OSBPL8: variants seen among roughly 807,000 people sequenced by gnomAD.
The protein encoded by OSBPL8 is oxysterol-binding protein-related protein 8.
OSBPL8 carries 59 observed loss-of-function variants against 125.5 expected under a neutral mutation model. The observed-to-expected ratio is 0.47, with a 90% CI of 0.38 to 0.58. The LOEUF is 0.58. OSBPL8 is among the 20% of genes least tolerant of loss of function. The pLI is 0.00. For missense variants in OSBPL8, 758 were observed against 1,047.8 expected (o/e 0.72, Z 3.82); for synonymous variants, 330 against 338.9 (o/e 0.97, Z 0.29).
At chr12:76,368,818 G>A (rs1437190195) in intron 21 of OSBPL8, among the ~76,000 whole-genome samples, 2 of 152,110 alleles carry the variant, frequency 1.3e-5, no homozygotes, top group Non-Finnish European at 2.9e-5. Flanking sequence ...GACAGGTTAG[G>A]ACAGACATAC....
At chr12:76,502,406 T>C (rs1274883121) in intron 1 of OSBPL8, among the ~76,000 whole-genome samples, 5 of 152,114 alleles carry the variant, frequency 3.3e-5, no homozygotes, top group Non-Finnish European at 7.4e-5. Flanking sequence ...AAGACTGCCA[T>C]TTGGCCACTT....
intron 4 of OSBPL8, among the ~76,000 whole-genome samples, chr12:76,437,561 T>C (rs556026427): frequency 1.3e-5 from 2 of 152,236 alleles, no homozygotes; most frequent in Non-Finnish European, 2.9e-5. Flanking sequence ...GTTAGTTACA[T>C]GCACTGCAAC....
chr12:76,456,523 G>A (rs370517526), intron 3 of OSBPL8, among the ~76,000 whole-genome samples: 4 of 151,868 alleles, frequency 2.6e-5, no homozygotes, highest in East Asian at 3.9e-4. Context: ...GGTGGTGCAC[G>A]CCTGTAATCC....
At chr12:76,447,679 G>T (rs1439352184) in intron 4 of OSBPL8, among the ~76,000 whole-genome samples, 1 of 152,032 alleles carries the variant, frequency 6.6e-6, no homozygotes, top group Non-Finnish European at 1.5e-5. Flanking sequence ...AAATAGCTAG[G>T]ATTACAGGTG....
chr12:76,483,660 CTTTTTTTTTTT>C lies in OSBPL8; in HGVS notation c.42+3839_42+3849del, dbSNP rs869202382. ...CTCACCCCAAGATCACTGTAATAGT[CTTTTTTTTTTT>C]TTTTTTTTTTTTTTTTTTTTGAGAC... On this transcript the variant is annotated intron_variant, in intron 2 of 23. Transcript: ENST00000261183. 1.8e-3 allele frequency among the ~76,000 whole-genome samples: 106 copies of C among 57,442 alleles called. 1 individual carries two copies. The highest frequency in any genetic ancestry group is 4.5e-3 in the Admixed American group (16 of 3,542). The allele number at this position is 57,442 out of a possible 152,430, so 37.7% of individuals were successfully genotyped here.
intron 12 of OSBPL8, among the ~76,000 whole-genome samples, chr12:76,387,378 A>T (rs372293673): frequency 1.1e-4 from 17 of 152,306 alleles, no homozygotes; most frequent in African/African-American, 3.8e-4. Context: ...TTTATTCTTC[A>T]ACCTGCTCTT....
At position 76,414,477 on chromosome 12, in the gene OSBPL8, G is replaced by A. The variant is rs183699434; in HGVS notation, c.218-3843C>T. Among the ~76,000 whole-genome samples the A allele has an allele frequency of 7.1e-5, 10 of 141,202 alleles. No individual in the cohort carries two copies. In the East Asian group the frequency reaches 1.9e-3, roughly 26 times the overall value. 92.6% of individuals were successfully genotyped at this position (141,202 alleles called of 152,430 possible). ...TTTTTTTTTTTTTTTTTTTGAGACA[G>A]GGTCTTGCTCTGTTGCCTAGGCTGG... On this transcript the variant is annotated intron_variant, in intron 4 of 23. Coordinates refer to ENST00000261183, the MANE Select transcript of OSBPL8 (RefSeq NM_020841.5).
At chr12:76,514,551 G>A (rs1036037981) in intron 1 of OSBPL8, among the ~76,000 whole-genome samples, 1 of 152,156 alleles carries the variant, frequency 6.6e-6, no homozygotes, top group Non-Finnish European at 1.5e-5. Context: ...TTAGCCTGAT[G>A]GGGTTGCCTT....
intron 1 of OSBPL8, among the ~76,000 whole-genome samples, chr12:76,493,117 T>C (rs1878906604): frequency 6.6e-6 from 1 of 152,164 alleles, no homozygotes; most frequent in African/African-American, 2.4e-5. Flanking sequence ...TGTGAGCAAG[T>C]CCATTGCCTT....
chr12:76,473,049 C>T (rs1388013328), intron 2 of OSBPL8, among the ~76,000 whole-genome samples: 1 of 152,148 alleles, frequency 6.6e-6, no homozygotes, highest in Non-Finnish European at 1.5e-5. Flanking sequence ...GCTGGCGTTA[C>T]CACTAGACCA....
chr12:76,518,705 C>T (rs764057075), intron 1 of OSBPL8, among the ~76,000 whole-genome samples: 1 of 152,222 alleles, frequency 6.6e-6, no homozygotes, highest in African/African-American at 2.4e-5. Flanking sequence ...CCTCTTAACA[C>T]CACATGGAAG....
intron 4 of OSBPL8, among the ~76,000 whole-genome samples, chr12:76,415,205 C>A (rs549653372): frequency 2.0e-5 from 3 of 151,590 alleles, no homozygotes; most frequent in Non-Finnish European, 4.4e-5. Context: ...TACCTGAATC[C>A]GGAGCTTTCT....
chr12:76,527,334 T>C (rs546895328), intron 1 of OSBPL8, among the ~76,000 whole-genome samples: 18 of 152,162 alleles, frequency 1.2e-4, no homozygotes, highest in Non-Finnish European at 2.4e-4. Context: ...CTAAGGTTTT[T>C]CAACTTCAAT....
chr12:76,537,233 T>C (rs1248493586), intron 1 of OSBPL8, among the ~76,000 whole-genome samples: 1 of 152,134 alleles, frequency 6.6e-6, no homozygotes, highest in Non-Finnish European at 1.5e-5. Context: ...ACTAATCAGC[T>C]ACAACAAGAA....
chr12:76,364,418 C>A (rs1592524872), intron 21 of OSBPL8, among the ~76,000 whole-genome samples: 1 of 152,138 alleles, frequency 6.6e-6, no homozygotes, highest in East Asian at 1.9e-4. Context: ...CCAAATACCG[C>A]ATGTTCTTAC....
At chr12:76,532,271 A>G (rs1950362764) in intron 1 of OSBPL8, among the ~76,000 whole-genome samples, 2 of 152,070 alleles carry the variant, frequency 1.3e-5, no homozygotes, top group Non-Finnish European at 2.9e-5. Context: ...CACTTAATAT[A>G]TTTAAGAAAA....
intron 1 of OSBPL8, among the ~76,000 whole-genome samples, chr12:76,509,525 C>T (rs1247410419): frequency 1.3e-5 from 2 of 152,074 alleles, no homozygotes; most frequent in Admixed American, 6.6e-5. Flanking sequence ...CAGTCTATTC[C>T]AAATGGCTTT....
intron 1 of OSBPL8, among the ~76,000 whole-genome samples, chr12:76,524,664 C>A (rs1950116757): frequency 6.7e-6 from 1 of 150,252 alleles, no homozygotes; most frequent in Admixed American, 6.6e-5. Flanking sequence ...TAATTCATAT[C>A]AAGACTAGAG....
intron 15 of OSBPL8, among the ~76,000 whole-genome samples, chr12:76,382,696 A>T (rs1233896129): frequency 1.1e-4 from 17 of 152,190 alleles, no homozygotes. Flanking sequence ...CAGCCTGACC[A>T]ACATGGTGAA....
Sources: allele counts gnomAD v4.1 joint callset (sites outside exome capture counted in the v4.1 genomes callset), GRCh38; gene constraint gnomAD v4.1.1; transcripts MANE v1.5; gene names NCBI Gene and HGNC (gene_info 2026-07-23, HGNC 2026-07-21).